The following SUPV3L1 variants were observed in gnomAD, a reference collection of about 807,000 sequenced individuals.
SUPV3L1 encodes ATP-dependent RNA helicase SUPV3L1, mitochondrial.
A neutral mutation model predicts 70.0 loss-of-function variants in SUPV3L1; 35 were observed. The ratio of observed to expected loss-of-function variants is 0.50; its 90% confidence interval spans 0.38 to 0.66. The LOEUF (loss-of-function observed/expected upper bound fraction) is 0.66, where lower values mean the gene tolerates loss of function less well. Ranked by LOEUF, SUPV3L1 falls within the 30% of genes least tolerant of loss-of-function variation. SUPV3L1 has a pLI of 0.00. For synonymous variants in SUPV3L1, 364 were observed against 341.9 expected (o/e 1.06, Z -0.71); for missense variants, 777 against 961.5 (o/e 0.81, Z 2.54).
At position 69,193,451 on chromosome 10, in the gene SUPV3L1, A is replaced by AG. The variant is rs1842451816; in HGVS notation, c.853+1686dup. On this transcript the variant is annotated intron_variant, in intron 6 of 14. Transcript: ENST00000359655. The stretch of plus-strand genomic sequence containing the variant: ...TTTGTACATATCCAGATCACGAAGT[A>AG]GTTTTTTTTTTTTTTTTTTTGAGAC... 4.3e-5 allele frequency among the ~76,000 whole-genome samples: 6 copies of AG among 138,764 alleles called. No individual in the cohort carries two copies. The South Asian group carries it at 1.2e-3, about 27-fold the overall frequency. 91.0% of individuals were successfully genotyped at this position (138,764 alleles called of 152,430 possible).
At chr10:69,200,931 T>TA (rs764723600) in intron 11 of SUPV3L1, among the ~76,000 whole-genome samples, 6 of 152,114 alleles carry the variant, frequency 3.9e-5, no homozygotes, top group Non-Finnish European at 7.4e-5. Context: ...GAGGAGAAGG[T>TA]TAAATTTTGG....
intron 3 of SUPV3L1, among the ~76,000 whole-genome samples, chr10:69,187,119 C>T (rs767540602): frequency 1.3e-5 from 2 of 151,930 alleles, no homozygotes; most frequent in East Asian, 1.9e-4. Context: ...AAAATGTTTG[C>T]GCCTTCATCT....
At chr10:69,207,711 C>CT in intron 13 of SUPV3L1, 82 bp from the exon 14 acceptor site, 3 of 1,470,076 alleles carry the variant, frequency 2.0e-6, no homozygotes, top group Non-Finnish European at 2.7e-6. Flanking sequence ...TTTTGTTTTG[C>CT]TTTCTTTTTT....
At chr10:69,191,508 T>C (rs1842396947) in intron 5 of SUPV3L1, 147 bp from the exon 6 acceptor site, 4 of 633,302 alleles carry the variant, frequency 6.3e-6, no homozygotes, top group African/African-American at 1.8e-5. Flanking sequence ...ATTACAGGCA[T>C]GAGCCACCGT....
At chr10:69,203,520 C>T (rs376092990) in intron 13 of SUPV3L1, among the ~76,000 whole-genome samples, 46 of 151,670 alleles carry the variant, frequency 3.0e-4, no homozygotes, top group Middle Eastern at 6.8e-3. Flanking sequence ...AAAAATTATC[C>T]GGGCATGGTG....
intron 13 of SUPV3L1, among the ~76,000 whole-genome samples, chr10:69,207,295 C>G (rs1842855474): frequency 6.6e-6 from 1 of 152,018 alleles, no homozygotes; most frequent in Non-Finnish European, 1.5e-5. Context: ...TATTATTACC[C>G]TGGTTTTAGA....
intron 7 of SUPV3L1, among the ~76,000 whole-genome samples, chr10:69,196,719 G>A (rs1043702446): frequency 1.3e-5 from 2 of 152,086 alleles, no homozygotes; most frequent in Admixed American, 1.3e-4. Flanking sequence ...GCATCCAAAT[G>A]CCAGCTTCTA....
chr10:69,183,679 T>C (rs1366969983), intron 1 of SUPV3L1, among the ~76,000 whole-genome samples: 1 of 152,076 alleles, frequency 6.6e-6, no homozygotes, highest in Non-Finnish European at 1.5e-5. Flanking sequence ...TGAGACCCTG[T>C]CTCAAATAAA....
chr10:69,208,739 G>A lies in SUPV3L1; in HGVS notation c.2065G>A (p.Glu689Lys). 6.2e-7 allele frequency: 1 copy of A among 1,614,168 alleles called. No individual in the cohort carries two copies. The highest frequency in any genetic ancestry group is 8.5e-7 in the Non-Finnish European group (1 of 1,180,020). Reference sequence around the variant, plus strand: ...TGAGACGCATAAGCTGTTGAATTTGGAGGGCTTTCCATCAGGGAGCCAGTC... The same window carrying A: ...TGAGACGCATAAGCTGTTGAATTTGAAGGGCTTTCCATCAGGGAGCCAGTC... ...MSETHKLLNL[E>K]GFPSGSQSRL... The change falls in exon 15 of 15, where the codon GAG (glutamate) becomes AAG (lysine). Residue 689 changes from glutamate (E) to lysine (K), a missense_variant. This residue lies in a region of SUPV3L1 where 619 missense variants were observed against 823.3 expected (regional missense o/e 0.75). Coordinates refer to ENST00000359655, the MANE Select transcript of SUPV3L1 (RefSeq NM_003171.5).
At chr10:69,203,089 C>A in intron 13 of SUPV3L1, 46 bp downstream of exon 13, 1 of 1,538,780 alleles carries the variant, frequency 6.5e-7, no homozygotes, top group Non-Finnish European at 8.8e-7. Context: ...CTGGTTGATG[C>A]AGGTTCCCCA....
At position 69,180,283 on chromosome 10, in the gene SUPV3L1, G is replaced by C; in HGVS notation, c.-9G>C. The C allele has an allele frequency of 2.5e-6, 4 of 1,612,482 alleles. No homozygotes were observed. Among genetic ancestry groups the C allele is most frequent in the Non-Finnish European group, 3.4e-6 (4 of 1,179,516 alleles). On this transcript the variant is annotated 5_prime_UTR_variant, in exon 1 of 15. Coordinates refer to ENST00000359655, the MANE Select transcript of SUPV3L1 (RefSeq NM_003171.5). ...GGCTGCGCCAGACAGTGTAGAACCT[G>C]CGGCCTCGATGTCCTTCTCCCGTGC...
At chr10:69,185,197 T>C (rs963157482) in intron 1 of SUPV3L1, among the ~76,000 whole-genome samples, 7 of 152,226 alleles carry the variant, frequency 4.6e-5, no homozygotes, top group African/African-American at 1.4e-4. Flanking sequence ...TCCCACTGAC[T>C]TTAGTTATGC....
At chr10:69,182,413 A>G in intron 1 of SUPV3L1, 1 of 659,586 alleles carries the variant, frequency 1.5e-6, no homozygotes, top group Non-Finnish European at 1.9e-6. Flanking sequence ...TTTACCCATT[A>G]AAGAACAATT....
rs1239050930 is a variant in SUPV3L1, at chr10:69,202,864, A to G, written c.1600-3A>G. The G allele has an allele frequency of 1.9e-6, 3 of 1,606,086 alleles. No individual in the cohort carries two copies. The highest frequency in any genetic ancestry group is 2.2e-5 in the East Asian group (1 of 44,774). On this transcript the variant is annotated splice_region_variant and splice_polypyrimidine_tract_variant and intron_variant, in intron 12 of 14. Coordinates refer to ENST00000359655, the MANE Select transcript of SUPV3L1 (RefSeq NM_003171.5). ...CAGTAATTTCTGTCTTTTTTTCCCC[A>G]AGGATATTTTTGTAGACTTTTCACA...
intron 3 of SUPV3L1, among the ~76,000 whole-genome samples, chr10:69,187,183 A>T (rs550395881): frequency 6.6e-6 from 1 of 152,098 alleles, no homozygotes. Context: ...TGCCAATGCT[A>T]ATCTTTGCCT....
At chr10:69,181,687 A>G (rs1265000767) in intron 1 of SUPV3L1, among the ~76,000 whole-genome samples, 1 of 152,208 alleles carries the variant, frequency 6.6e-6, no homozygotes, top group East Asian at 1.9e-4. Flanking sequence ...GAAGGTGGAA[A>G]GGCAAATGAG....
intron 4 of SUPV3L1, among the ~76,000 whole-genome samples, chr10:69,189,046 T>G (rs926800058): frequency 4.6e-5 from 7 of 152,234 alleles, no homozygotes. Context: ...TCCAAGACAT[T>G]AATTTGCATT....
rs1842217281 is a variant in SUPV3L1 at position 69,186,008 on chromosome 10, A to G, written c.293A>G (p.Asp98Gly). ...CTAGATGAAGTAAAGAAGGTCTTAG[A>G]CAAATTTTACAAGAGGAAAGAAATT... ...LDKNEVKKVL[D>G]KFYKRKEIQK... The change falls in exon 2 of 15, where the codon GAC becomes GGC. Residue 98 changes from aspartate to glycine, a missense_variant. By Grantham distance (94) the Asp-to-Gly change is moderately conservative (BLOSUM62 -1). Coordinates refer to ENST00000359655, the MANE Select transcript of SUPV3L1 (RefSeq NM_003171.5). 4 of 1,613,698 alleles carry G rather than the reference A, an allele frequency of 2.5e-6. No homozygotes were observed. The South Asian group carries it at 4.4e-5, about 18-fold the overall frequency.
intron 1 of SUPV3L1, 41 bp from the exon 2 acceptor site, chr10:69,185,946 C>T (rs775739592): frequency 8.7e-6 from 13 of 1,489,524 alleles, no homozygotes; most frequent in Non-Finnish European, 1.1e-5. Context: ...CAGCATTTAT[C>T]TAAGATAAGG....
Sources: gnomAD v4.1 joint callset for allele counts (sites outside exome capture counted in the v4.1 genomes callset) on GRCh38, gnomAD v4.1.1 for gene constraint, gnomAD v4.1.1 regional missense constraint, MANE v1.5 for transcripts, NCBI Gene and HGNC (gene_info 2026-07-23, HGNC 2026-07-21) for gene names.